Variants in VSTM2B observed in about 807,000 individuals in gnomAD.
The protein encoded by VSTM2B is V-set and transmembrane domain containing 2B.
A neutral mutation model predicts 24.0 loss-of-function variants in VSTM2B; 24 were observed. The observed-to-expected ratio is 1.00, with a 90% CI of 0.72 to 1.40. The LOEUF (loss-of-function observed/expected upper bound fraction) is 1.40. Among genes scored for constraint, VSTM2B ranks in the 40% most tolerant of loss-of-function variants. The probability of loss-of-function intolerance (pLI) is 0.00; values close to 1 mark genes in which losing one functional copy is unlikely to be tolerated. For missense variants in VSTM2B, 399 were observed against 416.4 expected, an observed-to-expected ratio of 0.96 and a Z score of 0.36; for synonymous variants, 226 against 194.4, an observed-to-expected ratio of 1.16 and a Z score of -1.35.
intron 4 of VSTM2B, among the ~76,000 whole-genome samples, chr19:29,554,175 A>G (rs977100256): frequency 2.0e-5 from 3 of 152,208 alleles, no homozygotes; most frequent in Non-Finnish European, 4.4e-5. Context: ...AACCAGAGAG[A>G]TAGGCCAGAT....
At chr19:29,536,670 C>G (rs1220157979) in intron 4 of VSTM2B, among the ~76,000 whole-genome samples, 1 of 152,232 alleles carries the variant, frequency 6.6e-6, no homozygotes, top group Admixed American at 6.5e-5. Context: ...ACAGAGCGCT[C>G]TCTCTGTGCT....
intron 4 of VSTM2B, among the ~76,000 whole-genome samples, chr19:29,560,198 A>G (rs1422350762): frequency 6.6e-6 from 1 of 152,144 alleles, no homozygotes; most frequent in Non-Finnish European, 1.5e-5. Flanking sequence ...AAGTCATGTG[A>G]CCAAGCCCAG....
intron 4 of VSTM2B, among the ~76,000 whole-genome samples, chr19:29,539,099 C>A (rs1177881862): frequency 6.6e-6 from 1 of 152,076 alleles, no homozygotes; most frequent in Non-Finnish European, 1.5e-5. Context: ...CATCCCCATA[C>A]TAGTCTGGTT....
At position 29,541,038 on chromosome 19, in the gene VSTM2B, C is replaced by T. The variant is rs528701791; in HGVS notation, c.769+10748C>T. Among the ~76,000 whole-genome samples the T allele has an allele frequency of 2.6e-5, 4 of 152,300 alleles. No homozygotes were observed. The East Asian group carries it at 7.7e-4, about 29-fold the overall frequency. ...GCGGCAAGAGGGATCTGGGGAAATG[C>T]AAAGGCCTCACAGAAGCTTACTGTG... On this transcript the variant is annotated intron_variant, in intron 4 of 4. Coordinates refer to ENST00000335523, the MANE Select transcript of VSTM2B (RefSeq NM_001146339.2).
intron 4 of VSTM2B, among the ~76,000 whole-genome samples, chr19:29,551,112 C>T (rs1970274542): frequency 6.6e-6 from 1 of 152,210 alleles, no homozygotes; most frequent in East Asian, 1.9e-4. Flanking sequence ...AGCTGGGAGC[C>T]CCCTACTGTG....
chr19:29,541,732 G>A (rs562064707), intron 4 of VSTM2B, among the ~76,000 whole-genome samples: 80 of 151,980 alleles, frequency 5.3e-4, no homozygotes, highest in Non-Finnish European at 1.0e-3. Flanking sequence ...AAGGAAGGAT[G>A]AGTGAATAGG....
At chr19:29,562,637 C>A (rs899658215) in intron 4 of VSTM2B, among the ~76,000 whole-genome samples, 1 of 152,200 alleles carries the variant, frequency 6.6e-6, no homozygotes, top group South Asian at 2.1e-4. Flanking sequence ...TGACGTCCCC[C>A]GGGGGTTTTG....
Position 29,545,219 on chromosome 19 carries a change from G to A in VSTM2B, c.769+14929G>A, listed in dbSNP as rs543859951. ...GGCACTGGGAGGCAGGCAGGGGTGC[G>A]GGGAGAGAGGTAGCCAGGCGAGAAG... On this transcript the variant is annotated intron_variant, in intron 4 of 4. Transcript: ENST00000335523. Among the ~76,000 whole-genome samples, 18 of 152,224 alleles carry A rather than the reference G, an allele frequency of 1.2e-4. No homozygotes were observed. In the South Asian group the frequency reaches 1.2e-3, roughly 11 times the overall value.
intron 4 of VSTM2B, among the ~76,000 whole-genome samples, chr19:29,532,288 T>C (rs982410491): frequency 3.9e-5 from 6 of 152,204 alleles, no homozygotes; most frequent in African/African-American, 1.4e-4. Context: ...AACATGGATG[T>C]AGGGCCCGCT....
intron 4 of VSTM2B, among the ~76,000 whole-genome samples, chr19:29,557,941 A>G (rs1341034861): frequency 6.6e-6 from 1 of 152,194 alleles, no homozygotes; most frequent in African/African-American, 2.4e-5. Flanking sequence ...AAATTTTGCA[A>G]TCTATCCATC....
intron 4 of VSTM2B, among the ~76,000 whole-genome samples, chr19:29,563,010 G>A (rs1196020631): frequency 6.6e-6 from 1 of 152,096 alleles, no homozygotes. Flanking sequence ...CCAAAGAGTG[G>A]ACAGACAAGG....
At chr19:29,556,801 A>T (rs556021912) in intron 4 of VSTM2B, among the ~76,000 whole-genome samples, 40 of 152,330 alleles carry the variant, frequency 2.6e-4, no homozygotes, top group African/African-American at 9.4e-4. Flanking sequence ...AAGGGAATCA[A>T]ATACCTAGGA....
chr19:29,537,367 C>A (rs1031613163), intron 4 of VSTM2B, among the ~76,000 whole-genome samples: 8 of 152,104 alleles, frequency 5.3e-5, no homozygotes, highest in East Asian at 1.9e-4. Flanking sequence ...GAGGTGGCTG[C>A]GGGGGCTGCT....
chr19:29,535,425 G>A (rs1408035768), intron 4 of VSTM2B, among the ~76,000 whole-genome samples: 2 of 152,204 alleles, frequency 1.3e-5, no homozygotes, highest in Non-Finnish European at 2.9e-5. Context: ...CCTCTAATTA[G>A]CCTCAGGGCT....
intron 4 of VSTM2B, among the ~76,000 whole-genome samples, chr19:29,556,416 A>G (rs533640004): frequency 6.6e-6 from 1 of 152,250 alleles, no homozygotes; most frequent in African/African-American, 2.4e-5. Context: ...TGACAAACCT[A>G]CAGCCAATAT....
Position 29,527,301 on chromosome 19 carries a change from C to G in VSTM2B, c.173C>G (p.Ser58Trp), listed in dbSNP as rs900761739. The change falls in exon 2 of 5, where the codon TCG becomes TGG. Residue 58 changes from serine to tryptophan, a missense_variant. Physicochemically the swap from Ser to Trp is radical, Grantham distance 177. Coordinates refer to ENST00000335523, the MANE Select transcript of VSTM2B (RefSeq NM_001146339.2). ...PCAFRASGAT[S>W]YSLEIQWWYL... ...GCGTTCCGGGCCAGCGGAGCCACCT[C>G]GTATTCGCTGGAGATTCAGTGGTGG... 3.9e-6 allele frequency: 6 copies of G among 1,550,436 alleles called. No individual in the cohort carries two copies. The South Asian group carries it at 7.1e-5, about 18-fold the overall frequency.
At chr19:29,549,259 A>G (rs1970217482) in intron 4 of VSTM2B, among the ~76,000 whole-genome samples, 1 of 152,174 alleles carries the variant, frequency 6.6e-6, no homozygotes, top group Non-Finnish European at 1.5e-5. Flanking sequence ...TGTAGAAGAC[A>G]GCATTTTGTA....
At chr19:29,535,925 A>T (rs1969878431) in intron 4 of VSTM2B, among the ~76,000 whole-genome samples, 1 of 152,180 alleles carries the variant, frequency 6.6e-6, no homozygotes, top group African/African-American at 2.4e-5. Context: ...CCGATGTGAC[A>T]TGAGAATTAT....
At chr19:29,545,439 C>A (rs1294561122) in intron 4 of VSTM2B, among the ~76,000 whole-genome samples, 1 of 152,040 alleles carries the variant, frequency 6.6e-6, no homozygotes, top group African/African-American at 2.4e-5. Flanking sequence ...ATGGTGAAAC[C>A]CCATCTCTAC....
Sources: gnomAD v4.1 joint callset for allele counts (sites outside exome capture counted in the v4.1 genomes callset) on GRCh38, gnomAD v4.1.1 for gene constraint, MANE v1.5 for transcripts, NCBI Gene and HGNC (gene_info 2026-07-23, HGNC 2026-07-21) for gene names.